Variants in ERC1 observed in about 807,000 individuals in gnomAD.
The protein encoded by ERC1 is RAB6 interacting protein 2.
ERC1 carries 56 observed loss-of-function variants against 132.0 expected under a neutral mutation model. The observed-to-expected ratio is 0.42, with a 90% confidence interval of 0.34 to 0.53. ERC1 has a LOEUF of 0.53. ERC1 is among the 20% of genes least tolerant of loss of function. The pLI is 0.03. For missense variants in ERC1, 1,202 were observed against 1,349.9 expected, an observed-to-expected ratio of 0.89 and a Z score of 1.72; for synonymous variants, 478 against 476.1, an observed-to-expected ratio of 1.00 and a Z score of -0.05.
At chr12:1,104,972 TA>T in intron 4 of ERC1, 148 bp downstream of exon 4, 1 of 574,002 alleles carries the variant, frequency 1.7e-6, no homozygotes, top group South Asian at 2.2e-5. Flanking sequence ...AATGACATCT[TA>T]AAAGAATTTC....
intron 17 of ERC1, among the ~76,000 whole-genome samples, chr12:1,411,640 C>G (rs2091857735): frequency 6.6e-6 from 1 of 152,114 alleles, no homozygotes; most frequent in Non-Finnish European, 1.5e-5. Context: ...CTGCACTGGA[C>G]AAGGGTAGGT....
At chr12:1,133,482 C>G (rs1948969504) in intron 7 of ERC1, among the ~76,000 whole-genome samples, 1 of 152,132 alleles carries the variant, frequency 6.6e-6, no homozygotes, top group South Asian at 2.1e-4. Flanking sequence ...TGAGCTGTGC[C>G]TGAATGCCAG....
chr12:996,076 T>A (rs990305541), intron 1 of ERC1, among the ~76,000 whole-genome samples: 3 of 150,926 alleles, frequency 2.0e-5, no homozygotes, highest in Non-Finnish European at 4.4e-5. Context: ...TTTTAGTTTT[T>A]TACTTCTCTG....
intron 3 of ERC1, among the ~76,000 whole-genome samples, chr12:1,084,680 T>TA (rs397768908): frequency 9.9e-5 from 15 of 151,486 alleles, no homozygotes; most frequent in Admixed American, 2.6e-4. Flanking sequence ...ATTTTTTTTT[T>TA]ATTTTAAATT....
intron 7 of ERC1, among the ~76,000 whole-genome samples, chr12:1,118,951 A>AT (rs1268168597): frequency 6.6e-6 from 1 of 152,206 alleles, no homozygotes; most frequent in Non-Finnish European, 1.5e-5. Flanking sequence ...TTAATAGCTC[A>AT]TTGCAGCCTG....
chr12:1,424,987 T>C (rs971549941), intron 17 of ERC1, among the ~76,000 whole-genome samples: 2 of 152,308 alleles, frequency 1.3e-5, no homozygotes, highest in Admixed American at 6.5e-5. Flanking sequence ...GCTTGAGACC[T>C]CAAGAAGCTT....
chr12:1,331,605 T>C (rs1016459291), intron 15 of ERC1, among the ~76,000 whole-genome samples: 1 of 152,154 alleles, frequency 6.6e-6, no homozygotes, highest in Non-Finnish European at 1.5e-5. Flanking sequence ...CTTGATTCGT[T>C]ATGCCCTGAT....
chr12:1,349,782 C>A (rs1227545339), intron 15 of ERC1, among the ~76,000 whole-genome samples: 2 of 152,056 alleles, frequency 1.3e-5, no homozygotes, highest in Admixed American at 6.5e-5. Context: ...ATACTTAGAC[C>A]TTAAAAAACT....
chr12:1,150,888 C>G (rs1247653653), intron 8 of ERC1, among the ~76,000 whole-genome samples: 3 of 152,142 alleles, frequency 2.0e-5, no homozygotes, highest in Non-Finnish European at 4.4e-5. Flanking sequence ...TATCTTGGAA[C>G]AGAAAAATGG....
chr12:1,262,621 G>A (rs2077211704), intron 13 of ERC1, among the ~76,000 whole-genome samples: 1 of 152,194 alleles, frequency 6.6e-6, no homozygotes, highest in African/African-American at 2.4e-5. Flanking sequence ...ACTTTTTCAT[G>A]TAGGCTTAAC....
chr12:1,055,718 A>C (rs1000786494), intron 2 of ERC1, among the ~76,000 whole-genome samples: 1 of 152,226 alleles, frequency 6.6e-6, no homozygotes, highest in Non-Finnish European at 1.5e-5. Flanking sequence ...AGACTGCTGG[A>C]TGGTTCTGCC....
chr12:1,300,718 T>A (rs986629708), intron 15 of ERC1, among the ~76,000 whole-genome samples: 2 of 152,214 alleles, frequency 1.3e-5, no homozygotes, highest in African/African-American at 4.8e-5. Flanking sequence ...AGTCACTGAT[T>A]ATTAGATAAA....
intron 16 of ERC1, among the ~76,000 whole-genome samples, chr12:1,392,220 C>G (rs1463419835): frequency 6.6e-6 from 1 of 152,110 alleles, no homozygotes; most frequent in African/African-American, 2.4e-5. Flanking sequence ...GGATTCTTGC[C>G]AGACCTACTC....
chr12:1,493,548 A>AAAAAAATATATATATATATATATAT lies in ERC1; in HGVS notation c.*3319_*3320insAAAAATATATATATATATATATATA, dbSNP rs56939346. 1 of 13,618 alleles carries AAAAAAATATATATATATATATATAT rather than the reference A, an allele frequency of 7.3e-5. No homozygotes were observed. The highest frequency in any genetic ancestry group is 1.5e-4 in the Non-Finnish European group (1 of 6,820). 0.8% of individuals were successfully genotyped at this position (13,618 alleles called of 1,614,324 possible). On this transcript the variant is annotated 3_prime_UTR_variant, in exon 19 of 19. Transcript: ENST00000360905. The stretch of plus-strand genomic sequence containing the variant: ...ACTCCATTTAAAAAAAAAAAAAAAA[A>AAAAAAATATATATATATATATATAT]ATATATATATATATATATATATATA...
chr12:1,286,097 C>G (rs2079024942), intron 14 of ERC1, among the ~76,000 whole-genome samples: 1 of 151,918 alleles, frequency 6.6e-6, no homozygotes, highest in South Asian at 2.1e-4. Flanking sequence ...AGTTCAAGAC[C>G]AGCCTGGCCA....
chr12:1,169,608 G>T (rs1952835425), intron 8 of ERC1, among the ~76,000 whole-genome samples: 1 of 152,168 alleles, frequency 6.6e-6, no homozygotes, highest in South Asian at 2.1e-4. Flanking sequence ...GTCTTGGGTA[G>T]AATACAGGGT....
At chr12:1,015,075 C>CT (rs35152033) in intron 1 of ERC1, among the ~76,000 whole-genome samples, 13,793 of 137,274 alleles carry the variant, frequency 0.1, 979 homozygotes, top group African/African-American at 0.21. Context: ...CTTTTTCTTT[C>CT]TTTTTTTTTT....
At chr12:1,059,191 T>A (rs1246738085) in intron 2 of ERC1, among the ~76,000 whole-genome samples, 1 of 152,230 alleles carries the variant, frequency 6.6e-6, no homozygotes, top group Admixed American at 6.5e-5. Flanking sequence ...TTTTTTATCC[T>A]GCAACTTTAG....
In ERC1 at chr12:1,121,659, A is replaced by G. The variant is rs1388749884; in HGVS notation, c.1569+5626A>G. 1.0e-3 allele frequency among the ~76,000 whole-genome samples: 14 copies of G among 13,602 alleles called. No individual in the cohort carries two copies. In the South Asian group the frequency reaches 0.027, roughly 26 times the overall value. The allele number at this position is 13,602 out of a possible 152,430, so 8.9% of individuals were successfully genotyped here. Reference sequence around the variant, plus strand: ...GCTGATGATCTCTATCTCTATCTCTATCTCTATCTCTATCTCTATCTATCT... The same window carrying G: ...GCTGATGATCTCTATCTCTATCTCTGTCTCTATCTCTATCTCTATCTATCT... On this transcript the variant is annotated intron_variant, in intron 7 of 18. Coordinates refer to ENST00000360905, the MANE Select transcript of ERC1 (RefSeq NM_178040.4).
Sources: gnomAD v4.1 joint callset for allele counts (sites outside exome capture counted in the v4.1 genomes callset) on GRCh38, gnomAD v4.1.1 for gene constraint, MANE v1.5 for transcripts, NCBI Gene and HGNC (gene_info 2026-07-23, HGNC 2026-07-21) for gene names.